CNTNAP5: variants seen among roughly 807,000 people sequenced by gnomAD.
The protein encoded by CNTNAP5 is contactin associated protein family member 5, also known as contactin-associated protein-like 5.
In CNTNAP5, 72 loss-of-function variants were observed where a neutral mutation model predicts 150.2. The observed-to-expected ratio is 0.48, with a 90% confidence interval of 0.40 to 0.58. The LOEUF is 0.58. CNTNAP5 is among the 20% of genes least tolerant of loss of function. The pLI is 0.00. For missense variants in CNTNAP5, 1,636 were observed against 1,626.2 expected (o/e 1.01, Z -0.10); for synonymous variants, 672 against 619.8 (o/e 1.08, Z -1.25).
At chr2:124,817,941 C>T (rs1203703021) in intron 19 of CNTNAP5, among the ~76,000 whole-genome samples, 3 of 152,134 alleles carry the variant, frequency 2.0e-5, no homozygotes, top group Admixed American at 6.5e-5. Context: ...TGTGTTACCA[C>T]CATGTAACTG....
intron 1 of CNTNAP5, among the ~76,000 whole-genome samples, chr2:124,191,485 A>G (rs1003768664): frequency 6.6e-6 from 1 of 152,094 alleles, no homozygotes. Flanking sequence ...CTTCCAAATT[A>G]TATATTATAT....
intron 3 of CNTNAP5, among the ~76,000 whole-genome samples, chr2:124,346,388 A>C (rs1403939198): frequency 6.6e-6 from 1 of 152,224 alleles, no homozygotes; most frequent in Non-Finnish European, 1.5e-5. Context: ...AAAGCAAGAT[A>C]GATAAAGTAA....
chr2:124,530,981 T>C (rs1232546006), intron 10 of CNTNAP5, among the ~76,000 whole-genome samples: 1 of 152,128 alleles, frequency 6.6e-6, no homozygotes, highest in Non-Finnish European at 1.5e-5. Context: ...GGTTTCAGGA[T>C]GATTCAAGCA....
At chr2:124,397,378 C>T (rs916924549) in intron 3 of CNTNAP5, among the ~76,000 whole-genome samples, 1 of 152,166 alleles carries the variant, frequency 6.6e-6, no homozygotes, top group East Asian at 1.9e-4. Flanking sequence ...GCTGTTTTCT[C>T]ATTGCCTCCT....
At chr2:124,395,795 GCACATA>G (rs1326288063) in intron 3 of CNTNAP5, among the ~76,000 whole-genome samples, 1 of 152,008 alleles carries the variant, frequency 6.6e-6, no homozygotes, top group East Asian at 1.9e-4. Context: ...ACACGTGCAC[GCACATA>G]CACATACACA....
chr2:124,048,622 T>C (rs1681606486), intron 1 of CNTNAP5, among the ~76,000 whole-genome samples: 1 of 152,222 alleles, frequency 6.6e-6, no homozygotes, highest in South Asian at 2.1e-4. Context: ...TTCAAAGGAA[T>C]ACAAATTCAA....
At chr2:124,713,237 T>TTC (rs1191207456) in intron 13 of CNTNAP5, among the ~76,000 whole-genome samples, 5 of 49,440 alleles carry the variant, frequency 1.0e-4, no homozygotes, top group South Asian at 9.6e-4. Context: ...CTTTCTTTCT[T>TTC]TCTTTCTCTT....
chr2:124,462,773 TAA>T (rs1693282848), intron 6 of CNTNAP5, among the ~76,000 whole-genome samples: 1 of 152,204 alleles, frequency 6.6e-6, no homozygotes, highest in African/African-American at 2.4e-5. Context: ...TCTAAATTTG[TAA>T]AGAGTTACAA....
intron 13 of CNTNAP5, among the ~76,000 whole-genome samples, chr2:124,684,162 A>G (rs1679142667): frequency 1.3e-5 from 2 of 152,182 alleles, no homozygotes; most frequent in African/African-American, 4.8e-5. Flanking sequence ...GTGTAAACAG[A>G]AGTACCCTGA....
At chr2:124,521,064 G>A (rs1057242180) in intron 8 of CNTNAP5, among the ~76,000 whole-genome samples, 12 of 152,260 alleles carry the variant, frequency 7.9e-5, no homozygotes, top group African/African-American at 2.9e-4. Flanking sequence ...CAGCTCTCCT[G>A]GGCGGGTCCC....
intron 3 of CNTNAP5, among the ~76,000 whole-genome samples, chr2:124,354,803 A>AT (rs933434482): frequency 3.7e-4 from 57 of 152,044 alleles, no homozygotes; most frequent in Non-Finnish European, 8.8e-5. Flanking sequence ...TTCTGACTAG[A>AT]TTTTTTTATT....
rs531224269 is a variant in CNTNAP5 at position 124,342,627 on chromosome 2, A to G, written c.382-74816A>G. ...AAATTCGTATTGAACTTAGGTAACT[A>G]CATTGCCATAAAATGAGAATACTCA... is the stretch of plus-strand genomic sequence containing the variant. On this transcript the variant is annotated intron_variant, in intron 3 of 23. Transcript: ENST00000682447. Among the ~76,000 whole-genome samples, 327 of 152,322 alleles carry G rather than the reference A, an allele frequency of 2.1e-3. 1 individual carries two copies. The highest frequency in any genetic ancestry group is 6.9e-3 in the African/African-American group (288 of 41,576).
At chr2:124,063,050 T>G (rs1386754969) in intron 1 of CNTNAP5, among the ~76,000 whole-genome samples, 3 of 152,106 alleles carry the variant, frequency 2.0e-5, no homozygotes, top group Non-Finnish European at 4.4e-5. Flanking sequence ...TTGTTTCTTT[T>G]CCTGTCCTTA....
Position 124,576,748 on chromosome 2 carries a change from G to A in CNTNAP5, c.1756+13425G>A, listed in dbSNP as rs147177439. Among the ~76,000 whole-genome samples, 23 of 152,254 alleles carry A rather than the reference G, an allele frequency of 1.5e-4. No individual in the cohort carries two copies. In the East Asian group the frequency reaches 3.3e-3, roughly 22 times the overall value. On this transcript the variant is annotated intron_variant, in intron 11 of 23. Coordinates refer to ENST00000682447, the MANE Select transcript of CNTNAP5 (RefSeq NM_001367498.1). Reference sequence around the variant, plus strand: ...GGGAAATTATTCACCTTCTCAGAACGTTAGTTCTCTCATCTCTAAATATAG... The same window carrying A: ...GGGAAATTATTCACCTTCTCAGAACATTAGTTCTCTCATCTCTAAATATAG...
chr2:124,267,934 T>C (rs1687654492), intron 3 of CNTNAP5, among the ~76,000 whole-genome samples: 1 of 152,214 alleles, frequency 6.6e-6, no homozygotes, highest in East Asian at 1.9e-4. Flanking sequence ...GTGAGACCTC[T>C]GTCAGAAGAG....
At chr2:124,762,956 CA>C (rs1680989687) in intron 14 of CNTNAP5, among the ~76,000 whole-genome samples, 1 of 152,086 alleles carries the variant, frequency 6.6e-6, no homozygotes, top group Non-Finnish European at 1.5e-5. Flanking sequence ...TAGTTTCCTA[CA>C]TCCAATTTTT....
intron 13 of CNTNAP5, among the ~76,000 whole-genome samples, chr2:124,695,232 G>A (rs1679381761): frequency 1.3e-5 from 2 of 152,166 alleles, no homozygotes; most frequent in African/African-American, 4.8e-5. Flanking sequence ...AGGTGGACCT[G>A]AGCAGAAGTG....
chr2:124,191,920 A>T (rs1320172591), intron 1 of CNTNAP5, among the ~76,000 whole-genome samples: 5 of 151,972 alleles, frequency 3.3e-5, no homozygotes, highest in African/African-American at 1.2e-4. Context: ...AAAGCAAAGA[A>T]AAAGTAAAAA....
intron 16 of CNTNAP5, among the ~76,000 whole-genome samples, chr2:124,767,716 A>G (rs1189973112): frequency 6.6e-6 from 1 of 152,328 alleles, no homozygotes. Context: ...GGCAACCACA[A>G]GAATGGGAAT....
Sources: allele counts gnomAD v4.1 joint callset (sites outside exome capture counted in the v4.1 genomes callset), GRCh38; gene constraint gnomAD v4.1.1; transcripts MANE v1.5; gene names NCBI Gene and HGNC (gene_info 2026-07-23, HGNC 2026-07-21).